The following SPAG16 variants were observed in gnomAD, a reference collection of about 807,000 sequenced individuals.
SPAG16 encodes the protein sperm associated antigen 16, also known as sperm-associated antigen 16 protein.
A neutral mutation model predicts 80.4 loss-of-function variants in SPAG16; 86 were observed. That is an observed-to-expected ratio of 1.07 (90% CI 0.90 to 1.28). SPAG16 has a LOEUF of 1.28. Among genes scored for constraint, SPAG16 ranks in the 50% most tolerant of loss-of-function variants. The pLI is 0.00. For synonymous variants in SPAG16, 294 were observed against 265.9 expected, an observed-to-expected ratio of 1.11 and a Z score of -1.03; for missense variants, 870 against 765.3, an observed-to-expected ratio of 1.14 and a Z score of -1.61.
Position 214,332,617 on chromosome 2 carries a change from A to G in SPAG16, c.1721-77523A>G, listed in dbSNP as rs192867602. ...ATACCTCAGAAGCATTAGGGAAAAT[A>G]TTTTTTGGTGTTTTCAGTGCTACAC... On this transcript the variant is annotated intron_variant, in intron 15 of 15. Coordinates refer to ENST00000331683, the MANE Select transcript of SPAG16 (RefSeq NM_024532.5). Among the ~76,000 whole-genome samples the G allele has an allele frequency of 8.2e-4, 125 of 152,248 alleles. 1 individual carries two copies. The highest frequency in any genetic ancestry group is 6.7e-3 in the Admixed American group (103 of 15,296).
At chr2:213,959,814 C>G (rs2044325177) in intron 12 of SPAG16, among the ~76,000 whole-genome samples, 2 of 152,216 alleles carry the variant, frequency 1.3e-5, no homozygotes, top group Non-Finnish European at 1.5e-5. Flanking sequence ...GACACGCACA[C>G]ACACCTAAAC....
chr2:214,021,148 ACTTTT>A (rs966871705), intron 13 of SPAG16, among the ~76,000 whole-genome samples: 4 of 152,328 alleles, frequency 2.6e-5, no homozygotes, highest in African/African-American at 7.2e-5. Context: ...TTTAAGGTCA[ACTTTT>A]CTTTTAAACA....
At chr2:213,893,996 A>G (rs539483001) in intron 11 of SPAG16, among the ~76,000 whole-genome samples, 67 of 152,276 alleles carry the variant, frequency 4.4e-4, no homozygotes, top group Non-Finnish European at 8.4e-4. Context: ...GCTGCCTACA[A>G]GAAACTTCAT....
intron 15 of SPAG16, among the ~76,000 whole-genome samples, chr2:214,151,785 T>C (rs1322167120): frequency 2.0e-5 from 3 of 152,180 alleles, no homozygotes; most frequent in African/African-American, 7.2e-5. Context: ...TGGTCTGCTG[T>C]CTCCGCTGTG....
intron 13 of SPAG16, among the ~76,000 whole-genome samples, chr2:214,047,907 A>G (rs1183399107): frequency 1.3e-5 from 2 of 152,194 alleles, no homozygotes; most frequent in Admixed American, 1.3e-4. Context: ...TCAAAAGGAG[A>G]CATACAGATG....
chr2:214,082,619 T>A (rs1185746519), intron 13 of SPAG16, among the ~76,000 whole-genome samples: 1 of 152,166 alleles, frequency 6.6e-6, no homozygotes, highest in Non-Finnish European at 1.5e-5. Flanking sequence ...GATACAGTGG[T>A]TCTCAACTCT....
At chr2:213,501,853 C>T (rs1462142219) in intron 10 of SPAG16, among the ~76,000 whole-genome samples, 1 of 152,118 alleles carries the variant, frequency 6.6e-6, no homozygotes, top group Non-Finnish European at 1.5e-5. Context: ...TTAATCTTTA[C>T]TGCTAGTCAT....
intron 12 of SPAG16, among the ~76,000 whole-genome samples, chr2:213,990,070 A>G (rs1351139572): frequency 6.6e-6 from 1 of 152,112 alleles, no homozygotes; most frequent in Non-Finnish European, 1.5e-5. Flanking sequence ...TGTCTACTAG[A>G]AAGGTGTCCA....
At chr2:213,699,607 G>A (rs566720049) in intron 10 of SPAG16, among the ~76,000 whole-genome samples, 140 of 152,160 alleles carry the variant, frequency 9.2e-4, no homozygotes, top group Non-Finnish European at 1.1e-3. Flanking sequence ...TAGAACCTAC[G>A]GATTTATGTG....
At chr2:213,543,021 A>G (rs2076503483) in intron 10 of SPAG16, among the ~76,000 whole-genome samples, 1 of 152,146 alleles carries the variant, frequency 6.6e-6, no homozygotes, top group Non-Finnish European at 1.5e-5. Context: ...TTTCAAATTC[A>G]ATAACAAAAA....
chr2:213,334,886 T>A (rs544901853), intron 5 of SPAG16, among the ~76,000 whole-genome samples: 4 of 152,304 alleles, frequency 2.6e-5, no homozygotes, highest in African/African-American at 7.2e-5. Flanking sequence ...ACCTAGTATT[T>A]GTTAGCACAA....
chr2:213,767,615 G>A (rs2069005973), intron 10 of SPAG16, among the ~76,000 whole-genome samples: 2 of 150,986 alleles, frequency 1.3e-5, no homozygotes, highest in Admixed American at 1.3e-4. Context: ...GCAATGGAGT[G>A]AGATCTTGTC....
At chr2:213,857,239 T>G (rs996956985) in intron 10 of SPAG16, among the ~76,000 whole-genome samples, 4 of 152,140 alleles carry the variant, frequency 2.6e-5, no homozygotes, top group Admixed American at 6.5e-5. Flanking sequence ...CAAAAAAAAT[T>G]ATTCAGCATA....
chr2:213,702,375 G>C (rs1454271255), intron 10 of SPAG16, among the ~76,000 whole-genome samples: 1 of 152,180 alleles, frequency 6.6e-6, no homozygotes, highest in African/African-American at 2.4e-5. Flanking sequence ...AATAAATCTT[G>C]CTGCTGCTGT....
intron 10 of SPAG16, among the ~76,000 whole-genome samples, chr2:213,848,919 G>T (rs1414588204): frequency 6.6e-6 from 1 of 152,026 alleles, no homozygotes; most frequent in South Asian, 2.1e-4. Context: ...AATTTTTTTA[G>T]TGTAGAAATT....
intron 6 of SPAG16, among the ~76,000 whole-genome samples, chr2:213,347,294 T>C (rs1421255135): frequency 6.6e-6 from 1 of 152,164 alleles, no homozygotes; most frequent in Non-Finnish European, 1.5e-5. Flanking sequence ...TTATTAGTCT[T>C]GCTAGTGGTC....
chr2:213,877,187 G>C (rs908947943), intron 11 of SPAG16, among the ~76,000 whole-genome samples: 1 of 152,094 alleles, frequency 6.6e-6, no homozygotes, highest in African/African-American at 2.4e-5. Flanking sequence ...CTTCAGGGCT[G>C]AGCTTTCAAA....
At chr2:214,331,002 G>A (rs912559673) in intron 15 of SPAG16, among the ~76,000 whole-genome samples, 1 of 152,174 alleles carries the variant, frequency 6.6e-6, no homozygotes, top group Non-Finnish European at 1.5e-5. Context: ...GTAGCCCCAT[G>A]TAGCAGTTGT....
At chr2:214,170,288 A>G (rs929702411) in intron 15 of SPAG16, among the ~76,000 whole-genome samples, 4 of 151,424 alleles carry the variant, frequency 2.6e-5, no homozygotes, top group Non-Finnish European at 4.4e-5. Context: ...GTACATATAC[A>G]TACACATATA....
Sources: gnomAD v4.1 joint callset for allele counts (sites outside exome capture counted in the v4.1 genomes callset) on GRCh38, gnomAD v4.1.1 for gene constraint, MANE v1.5 for transcripts, NCBI Gene and HGNC (gene_info 2026-07-23, HGNC 2026-07-21) for gene names.